ME1: variants seen among roughly 807,000 people sequenced by gnomAD.
ME1 encodes malic enzyme 1, also known as NADP-dependent malic enzyme.
ME1 carries 74 observed loss-of-function variants against 66.4 expected under a neutral mutation model. The observed-to-expected ratio is 1.11, with a 90% CI of 0.92 to 1.35. ME1 has a LOEUF of 1.35. Among genes scored for constraint, ME1 ranks in the 40% most tolerant of loss-of-function variants. The probability of loss-of-function intolerance (pLI) is 0.00; values close to 1 mark genes in which losing one functional copy is unlikely to be tolerated. For synonymous variants in ME1, 251 were observed against 235.6 expected (o/e 1.07, Z -0.60); for missense variants, 750 against 694.1 (o/e 1.08, Z -0.90).
intron 1 of ME1, among the ~76,000 whole-genome samples, chr6:83,416,658 G>T (rs1024144231): frequency 1.3e-5 from 2 of 152,112 alleles, no homozygotes; most frequent in Non-Finnish European, 2.9e-5. Flanking sequence ...GGAGGCCAAG[G>T]CAGGAGGATC....
intron 6 of ME1, among the ~76,000 whole-genome samples, chr6:83,275,917 A>ACAC (rs1249606942): frequency 7.0e-6 from 1 of 142,302 alleles, no homozygotes; most frequent in Non-Finnish European, 1.5e-5. Context: ...CTACAGGTGC[A>ACAC]CACCACCACG....
chr6:83,342,357 T>C (rs1768603549), intron 5 of ME1, among the ~76,000 whole-genome samples: 1 of 152,150 alleles, frequency 6.6e-6, no homozygotes, highest in African/African-American at 2.4e-5. Flanking sequence ...GTAACAAGAG[T>C]ATATAATAAC....
intron 2 of ME1, among the ~76,000 whole-genome samples, chr6:83,404,805 T>G (rs534441765): frequency 1.9e-4 from 29 of 152,310 alleles, no homozygotes; most frequent in African/African-American, 7.0e-4. Context: ...TTATCAAAGA[T>G]CAGATGGTTG....
intron 8 of ME1, 42 bp from the exon 9 acceptor site, chr6:83,237,872 A>C (rs1357682342): frequency 9.3e-7 from 1 of 1,071,928 alleles, no homozygotes; most frequent in East Asian, 2.5e-5. Context: ...GTTCTACATG[A>C]TATCTTATTA....
Position 83,228,933 on chromosome 6 carries a change from T to C in ME1, c.1027-2A>G. ...CTCTTGTGTTAAGGAAGCACGTCCC[T>C]AAGTAAAGCCAGTAAGAAAAAATTA... On this transcript the variant is annotated splice_acceptor_variant, in intron 9 of 13. Transcript: ENST00000369705. LOFTEE classifies it high-confidence loss of function. The C allele has an allele frequency of 6.3e-7, 1 of 1,595,850 alleles. No individual in the cohort carries two copies. The highest frequency in any genetic ancestry group is 8.5e-7 in the Non-Finnish European group (1 of 1,172,196).
rs1790215958 is a variant in ME1, at chr6:83,227,341, T to C, written c.1269A>G (p.Ile423Met). Residue 423 changes from isoleucine (I) to methionine (M), a missense_variant, in exon 11 of 14, where the codon ATA (isoleucine) becomes ATG (methionine). By Grantham distance (10) the Ile-to-Met change is conservative. Transcript: ENST00000369705. ...AECSAEQCYK[I>M]TKGRAIFASG... ...TGTTATAGTTTTACTTTACCTTGGT[T>C]ATTTTGTAGCACTGCTCTGCAGAAC... 6.5e-7 allele frequency: 1 copy of C among 1,530,360 alleles called. No individual in the cohort carries two copies. The highest frequency in any genetic ancestry group is 1.4e-5 in the African/African-American group (1 of 72,844). The allele number at this position is 1,530,360 out of a possible 1,614,324, so 94.8% of individuals were successfully genotyped here.
chr6:83,271,850 T>C (rs1449881398), intron 6 of ME1, among the ~76,000 whole-genome samples: 1 of 152,178 alleles, frequency 6.6e-6, no homozygotes, highest in South Asian at 2.1e-4. Flanking sequence ...CAACATATTA[T>C]TTTTTATTAC....
At chr6:83,426,847 T>C (rs1004152409) in intron 1 of ME1, among the ~76,000 whole-genome samples, 16 of 152,220 alleles carry the variant, frequency 1.1e-4, no homozygotes, top group African/African-American at 3.4e-4. Flanking sequence ...TGTTATTATT[T>C]ACTCTTAAGA....
At chr6:83,321,863 C>T (rs760197571) in intron 5 of ME1, among the ~76,000 whole-genome samples, 3 of 152,238 alleles carry the variant, frequency 2.0e-5, no homozygotes, top group Non-Finnish European at 4.4e-5. Context: ...CGGAGAGACA[C>T]CTCCCAGCAA....
intron 1 of ME1, among the ~76,000 whole-genome samples, chr6:83,417,376 G>GTTA (rs67305318): frequency 6.6e-6 from 1 of 151,080 alleles, no homozygotes; most frequent in Non-Finnish European, 1.5e-5. Flanking sequence ...GTTTTTTGTT[G>GTTA]TTGTTGTTGT....
intron 8 of ME1, among the ~76,000 whole-genome samples, chr6:83,238,795 G>GAA (rs869169398): frequency 3.6e-5 from 3 of 82,330 alleles, no homozygotes; most frequent in African/African-American, 1.3e-4. Flanking sequence ...AAAGTTTCTT[G>GAA]AAAAATATAT....
chr6:83,428,813 A>G (rs1363632715), intron 1 of ME1, among the ~76,000 whole-genome samples: 1 of 152,230 alleles, frequency 6.6e-6, no homozygotes, highest in Non-Finnish European at 1.5e-5. Flanking sequence ...AATGCAGATA[A>G]AAAGTTCAAG....
At chr6:83,291,466 G>A (rs1245262658) in intron 6 of ME1, among the ~76,000 whole-genome samples, 1 of 152,202 alleles carries the variant, frequency 6.6e-6, no homozygotes, top group Non-Finnish European at 1.5e-5. Context: ...CTTCTGGTTT[G>A]TAGGGTTTCT....
At chr6:83,287,503 G>A (rs551438078) in intron 6 of ME1, among the ~76,000 whole-genome samples, 26 of 152,078 alleles carry the variant, frequency 1.7e-4, no homozygotes, top group South Asian at 1.0e-3. Flanking sequence ...TTATGGCTGC[G>A]TAGTATTCCA....
intron 5 of ME1, among the ~76,000 whole-genome samples, chr6:83,319,920 T>G (rs1201066056): frequency 6.6e-6 from 1 of 152,234 alleles, no homozygotes. Flanking sequence ...GTTTGATATG[T>G]GGGAACACAG....
rs1340518163 is a variant in ME1 at position 83,369,653 on chromosome 6, G to GAGGAAGGAAGGAAGGAAGGA, written c.363-17515_363-17514insTCCTTCCTTCCTTCCTTCCT. Among the ~76,000 whole-genome samples the GAGGAAGGAAGGAAGGAAGGA allele has an allele frequency of 5.7e-5, 8 of 141,502 alleles. 1 individual carries two copies. The highest frequency in any genetic ancestry group is 2.0e-4 in the African/African-American group (7 of 35,608). 92.8% of individuals were successfully genotyped at this position (141,502 alleles called of 152,430 possible). ...AAAGAAAAGAAAAGAGAGACAGAGA[G>GAGGAAGGAAGGAAGGAAGGA]AGGAAGGAAGGAAGGAACGAAGGAA... On this transcript the variant is annotated intron_variant, in intron 3 of 13. Coordinates refer to ENST00000369705, the MANE Select transcript of ME1 (RefSeq NM_002395.6).
intron 2 of ME1, among the ~76,000 whole-genome samples, chr6:83,403,396 C>A (rs1395834362): frequency 3.3e-5 from 5 of 152,182 alleles, no homozygotes; most frequent in Non-Finnish European, 5.9e-5. Flanking sequence ...GATTCTGAGC[C>A]TGATAAGGAC....
At chr6:83,356,369 C>G (rs1768889802) in intron 3 of ME1, among the ~76,000 whole-genome samples, 1 of 151,932 alleles carries the variant, frequency 6.6e-6, no homozygotes, top group Non-Finnish European at 1.5e-5. Flanking sequence ...GAGTTATATA[C>G]CAAAGATCTG....
intron 6 of ME1, among the ~76,000 whole-genome samples, chr6:83,287,306 C>G (rs1767413808): frequency 6.6e-6 from 1 of 152,004 alleles, no homozygotes; most frequent in Non-Finnish European, 1.5e-5. Flanking sequence ...CCTCCCCTAG[C>G]TCCACACCCA....
Sources: allele counts gnomAD v4.1 joint callset (sites outside exome capture counted in the v4.1 genomes callset), GRCh38; gene constraint gnomAD v4.1.1; transcripts MANE v1.5; gene names NCBI Gene and HGNC (gene_info 2026-07-23, HGNC 2026-07-21).